Variants in ABTB3 observed in about 807,000 individuals in gnomAD.
ABTB3 encodes the protein ankyrin repeat and BTB domain containing 3.
the ABTB3 span, among the ~76,000 whole-genome samples, chr12:107,613,398 C>T: frequency 3.9e-5 from 6 of 152,258 alleles, no homozygotes; most frequent in African/African-American, 1.4e-4. Flanking sequence ...TCAGAGCTTC[C>T]CTGAGACAAT....
the ABTB3 span, among the ~76,000 whole-genome samples, chr12:107,470,999 C>T: frequency 1.3e-5 from 2 of 152,158 alleles, no homozygotes; most frequent in Non-Finnish European, 2.9e-5. Flanking sequence ...TCAGAGAGAA[C>T]AGATGTGATG....
At chr12:107,505,918 T>G in the ABTB3 span, among the ~76,000 whole-genome samples, 1 of 152,336 alleles carries the variant, frequency 6.6e-6, no homozygotes, top group East Asian at 1.9e-4. Context: ...CTACATTTTC[T>G]TTATCCAGTC....
the ABTB3 span, among the ~76,000 whole-genome samples, chr12:107,583,443 C>A: frequency 6.6e-6 from 1 of 152,214 alleles, no homozygotes; most frequent in Non-Finnish European, 1.5e-5. Flanking sequence ...ACTCTGCCAA[C>A]ATCACACAGA....
the ABTB3 span, among the ~76,000 whole-genome samples, chr12:107,378,110 A>G: frequency 1.3e-5 from 2 of 152,244 alleles, no homozygotes; most frequent in African/African-American, 4.8e-5. Context: ...TGCAAAGCCA[A>G]TGCCAACGGC....
the ABTB3 span, among the ~76,000 whole-genome samples, chr12:107,467,284 C>T: frequency 6.6e-6 from 1 of 152,014 alleles, no homozygotes; most frequent in African/African-American, 2.4e-5. Context: ...TTAGCTGGGG[C>T]CCACAAGAAA....
At chr12:107,318,976 G>T in the ABTB3 span, 4 of 1,613,630 alleles carry the variant, frequency 2.5e-6, no homozygotes, top group Non-Finnish European at 3.4e-6. Context: ...TGGTGAGAAC[G>T]CTGGAGGATC....
the ABTB3 span, among the ~76,000 whole-genome samples, chr12:107,456,726 T>C: frequency 6.6e-6 from 1 of 152,116 alleles, no homozygotes; most frequent in Admixed American, 6.5e-5. Flanking sequence ...CAGTCCCTGG[T>C]ACCAAAAAGA....
the ABTB3 span, among the ~76,000 whole-genome samples, chr12:107,399,053 A>G: frequency 5.9e-5 from 9 of 152,302 alleles, no homozygotes; most frequent in African/African-American, 2.2e-4. Flanking sequence ...AGTATAATAT[A>G]CAGACATACA....
chr12:107,319,269 G>A, the ABTB3 span: 2 of 1,549,824 alleles, frequency 1.3e-6, no homozygotes, highest in African/African-American at 1.4e-5. Context: ...CTGCTGCTGC[G>A]TTCGCGGGAT....
chr12:107,598,044 C>T, the ABTB3 span, among the ~76,000 whole-genome samples: 4 of 152,230 alleles, frequency 2.6e-5, no homozygotes, highest in Non-Finnish European at 5.9e-5. Flanking sequence ...GCATTAGGCT[C>T]ACCTCCATAG....
chr12:107,378,024 A>G, the ABTB3 span, among the ~76,000 whole-genome samples: 1 of 152,216 alleles, frequency 6.6e-6, no homozygotes, highest in African/African-American at 2.4e-5. Flanking sequence ...AAAAGTGGGG[A>G]ACATAATCTC....
At chr12:107,355,149 C>T in the ABTB3 span, among the ~76,000 whole-genome samples, 5 of 152,358 alleles carry the variant, frequency 3.3e-5, no homozygotes, top group East Asian at 1.9e-4. Flanking sequence ...AGAGATCTTT[C>T]GCATGTCTCC....
the ABTB3 span, among the ~76,000 whole-genome samples, chr12:107,508,105 T>A: frequency 7.2e-6 from 1 of 139,018 alleles, no homozygotes; most frequent in African/African-American, 2.6e-5. Context: ...GATGGATGGA[T>A]GGATGGAAGA....
At chr12:107,412,935 G>T in the ABTB3 span, among the ~76,000 whole-genome samples, 2 of 152,128 alleles carry the variant, frequency 1.3e-5, no homozygotes, top group East Asian at 3.9e-4. Context: ...CGTGTCCGGG[G>T]TTGCAACTGG....
At chr12:107,466,907 T>C in the ABTB3 span, among the ~76,000 whole-genome samples, 183 of 151,950 alleles carry the variant, frequency 1.2e-3, 1 homozygote, top group Non-Finnish European at 2.1e-3. Flanking sequence ...GTGAGAGAAG[T>C]TGGGGGCATT....
chr12:107,371,901 A>G, the ABTB3 span, among the ~76,000 whole-genome samples: 1 of 152,136 alleles, frequency 6.6e-6, no homozygotes, highest in East Asian at 1.9e-4. Flanking sequence ...TTCTCAACAC[A>G]GTTCTAGGCA....
At chr12:107,586,571 C>G in the ABTB3 span, among the ~76,000 whole-genome samples, 2 of 152,222 alleles carry the variant, frequency 1.3e-5, no homozygotes, top group African/African-American at 4.8e-5. Context: ...CCATTTGGAG[C>G]CGCTGCCTCC....
At chr12:107,549,259 A>T in the ABTB3 span, among the ~76,000 whole-genome samples, 1 of 152,254 alleles carries the variant, frequency 6.6e-6, no homozygotes. Context: ...CAGACATAAC[A>T]GACATTAGCA....
chr12:107,336,313 C>T, the ABTB3 span, among the ~76,000 whole-genome samples: 1 of 152,190 alleles, frequency 6.6e-6, no homozygotes. Flanking sequence ...GTGACTTGTA[C>T]AGTTTAAGTT....
Sources: gnomAD v4.1 joint callset for allele counts (sites outside exome capture counted in the v4.1 genomes callset) on GRCh38, gnomAD v4.1.1 for gene constraint, MANE v1.5 for transcripts, NCBI Gene and HGNC (gene_info 2026-07-23, HGNC 2026-07-21) for gene names.